The following PPM1L variants were observed in gnomAD, a reference collection of about 807,000 sequenced individuals.
The protein encoded by PPM1L is protein phosphatase 1L.
A neutral mutation model predicts 31.4 loss-of-function variants in PPM1L; 13 were observed. The observed-to-expected ratio is 0.41, with a 90% CI of 0.27 to 0.66. The LOEUF (loss-of-function observed/expected upper bound fraction) is 0.66, where lower values mean the gene tolerates loss of function less well. PPM1L is among the 30% of genes least tolerant of loss of function. The pLI is 0.29. For missense variants in PPM1L, 326 were observed against 453.7 expected (o/e 0.72, Z 2.56); for synonymous variants, 184 against 175.4 (o/e 1.05, Z -0.39).
chr3:161,041,395 C>T (rs1718899469), intron 2 of PPM1L, among the ~76,000 whole-genome samples: 1 of 152,316 alleles, frequency 6.6e-6, no homozygotes, highest in South Asian at 2.1e-4. Context: ...GCAGGATCTC[C>T]TGAGGGCTGT....
chr3:160,809,200 C>T lies in PPM1L; in HGVS notation c.399+52493C>T, dbSNP rs569979302. ...TTTCTTGAATTGCTTAGATTATTAT[C>T]CTGATTTCCTCTTCCTTTGATTGGC... On this transcript the variant is annotated intron_variant, in intron 1 of 3. Coordinates refer to ENST00000498165, the MANE Select transcript of PPM1L (RefSeq NM_139245.4). Among the ~76,000 whole-genome samples, 3 of 152,196 alleles carry T rather than the reference C, an allele frequency of 2.0e-5. No homozygotes were observed. In the South Asian group the frequency reaches 6.2e-4, roughly 32 times the overall value.
intron 2 of PPM1L, among the ~76,000 whole-genome samples, chr3:160,982,128 AG>A (rs1474511250): frequency 6.6e-6 from 1 of 152,176 alleles, no homozygotes; most frequent in Non-Finnish European, 1.5e-5. Flanking sequence ...TGGAGTGTTG[AG>A]CCCTGCACCT....
intron 1 of PPM1L, among the ~76,000 whole-genome samples, chr3:160,924,663 G>T (rs906825197): frequency 5.3e-5 from 8 of 152,142 alleles, no homozygotes; most frequent in African/African-American, 1.7e-4. Flanking sequence ...CTATTTCAAG[G>T]CTTGATAGAG....
At chr3:160,822,808 A>G (rs1361477765) in intron 1 of PPM1L, among the ~76,000 whole-genome samples, 1 of 152,146 alleles carries the variant, frequency 6.6e-6, no homozygotes, top group South Asian at 2.1e-4. Flanking sequence ...ATAGTGGAGT[A>G]TCTATTATGT....
chr3:161,063,456 A>G (rs1480664756), intron 2 of PPM1L, among the ~76,000 whole-genome samples: 16 of 150,394 alleles, frequency 1.1e-4, no homozygotes, highest in African/African-American at 4.0e-4. Context: ...CAGAACTATA[A>G]TAACTGATTA....
At chr3:160,856,891 C>A (rs182122034) in intron 1 of PPM1L, among the ~76,000 whole-genome samples, 43 of 150,914 alleles carry the variant, frequency 2.8e-4, no homozygotes, top group Non-Finnish European at 4.9e-4. Flanking sequence ...TTTATTTCAC[C>A]TTAGATGGCA....
chr3:160,845,756 T>C (rs1714057089), intron 1 of PPM1L, among the ~76,000 whole-genome samples: 1 of 152,058 alleles, frequency 6.6e-6, no homozygotes, highest in Non-Finnish European at 1.5e-5. Flanking sequence ...GCGATCCATT[T>C]AAGTTAATTT....
intron 2 of PPM1L, among the ~76,000 whole-genome samples, chr3:161,031,628 G>A (rs1559930834): frequency 6.6e-6 from 1 of 150,820 alleles, no homozygotes; most frequent in Non-Finnish European, 1.5e-5. Context: ...AGCCTCCTGA[G>A]TAGTAGGACT....
At chr3:161,034,391 G>A (rs12639317) in intron 2 of PPM1L, among the ~76,000 whole-genome samples, 47,776 of 151,988 alleles carry the variant, frequency 0.31, 7,955 homozygotes, top group East Asian at 0.63. Flanking sequence ...ACACATACAC[G>A]TGTATGTTTA....
At chr3:160,783,600 C>CAAAA (rs59293706) in intron 1 of PPM1L, among the ~76,000 whole-genome samples, 2 of 110,788 alleles carry the variant, frequency 1.8e-5, no homozygotes, top group African/African-American at 6.3e-5. Flanking sequence ...AACTCCATCT[C>CAAAA]AAAAAAAAAA....
At chr3:161,022,993 T>C (rs1173412010) in intron 2 of PPM1L, among the ~76,000 whole-genome samples, 1 of 152,180 alleles carries the variant, frequency 6.6e-6, no homozygotes, top group Non-Finnish European at 1.5e-5. Flanking sequence ...ACAATTTTGA[T>C]GGATGGAGAA....
chr3:160,983,263 T>C (rs1716860170), intron 2 of PPM1L, among the ~76,000 whole-genome samples: 1 of 152,208 alleles, frequency 6.6e-6, no homozygotes, highest in African/African-American at 2.4e-5. Context: ...TACAATTAAA[T>C]GTATTAAATT....
At chr3:160,882,274 T>G (rs569605664) in intron 1 of PPM1L, 1 of 152,294 alleles carries the variant, frequency 6.6e-6, no homozygotes, top group Admixed American at 6.5e-5. Flanking sequence ...ATATCTGATT[T>G]CTGGATTATC....
intron 1 of PPM1L, among the ~76,000 whole-genome samples, chr3:160,800,731 C>A (rs1712399542): frequency 6.6e-6 from 1 of 152,062 alleles, no homozygotes; most frequent in Non-Finnish European, 1.5e-5. Context: ...ATTTCTGCTC[C>A]ATTTGGTTCT....
At chr3:160,956,122 C>T (rs1022979657) in intron 1 of PPM1L, among the ~76,000 whole-genome samples, 4 of 152,122 alleles carry the variant, frequency 2.6e-5, no homozygotes, top group African/African-American at 9.7e-5. Context: ...CCTACATTTC[C>T]AGAATTTAGG....
intron 1 of PPM1L, among the ~76,000 whole-genome samples, chr3:160,956,730 A>G (rs1053538744): frequency 6.6e-6 from 1 of 152,282 alleles, no homozygotes; most frequent in East Asian, 1.9e-4. Context: ...AAATAATGGC[A>G]TGAAAGAAAA....
chr3:160,902,864 G>A (rs1040102364), intron 1 of PPM1L, among the ~76,000 whole-genome samples: 16 of 151,978 alleles, frequency 1.1e-4, no homozygotes, highest in Non-Finnish European at 2.1e-4. Flanking sequence ...TATCTAGCTC[G>A]ACTAACACTG....
At chr3:161,059,058 C>T (rs1034808107) in intron 2 of PPM1L, among the ~76,000 whole-genome samples, 3 of 152,136 alleles carry the variant, frequency 2.0e-5, no homozygotes, top group African/African-American at 4.8e-5. Flanking sequence ...ACATAATTTG[C>T]ATTTGTGTGT....
At position 160,891,625 on chromosome 3, in the gene PPM1L, G is replaced by A. The variant is rs1429856884; in HGVS notation, c.400-70111G>A. 2.0e-5 allele frequency among the ~76,000 whole-genome samples: 3 copies of A among 152,276 alleles called. No individual in the cohort carries two copies. In the East Asian group the frequency reaches 5.8e-4, roughly 29 times the overall value. On this transcript the variant is annotated intron_variant, in intron 1 of 3. Transcript: ENST00000498165. ...GGATCTAGAACCAGAAATACCATTT[G>A]ACCCAGCAATCCCATTACTGGGTAT...
Sources: allele counts gnomAD v4.1 joint callset (sites outside exome capture counted in the v4.1 genomes callset), GRCh38; gene constraint gnomAD v4.1.1; transcripts MANE v1.5; gene names NCBI Gene and HGNC (gene_info 2026-07-23, HGNC 2026-07-21).